Variants in LARGE1 observed in about 807,000 individuals in gnomAD.
The protein encoded by LARGE1 is xylosyl- and glucuronyltransferase LARGE1.
LARGE1 carries 43 observed loss-of-function variants against 87.6 expected under a neutral mutation model. That is an observed-to-expected ratio of 0.49 (90% confidence interval 0.38 to 0.63). The LOEUF is 0.63. LARGE1 is among the 30% of genes least tolerant of loss of function. The pLI is 0.00. For missense variants in LARGE1, 802 were observed against 1,000.2 expected, an observed-to-expected ratio of 0.80 and a Z score of 2.67; for synonymous variants, 434 against 394.6, an observed-to-expected ratio of 1.10 and a Z score of -1.18.
chr22:33,483,625 AG>A (rs1282089700), intron 6 of LARGE1, among the ~76,000 whole-genome samples: 1 of 151,338 alleles, frequency 6.6e-6, no homozygotes, highest in African/African-American at 2.5e-5. Flanking sequence ...ACGAAATAGG[AG>A]GGGTCGGGCT....
chr22:33,429,152 C>A (rs2066992721), intron 7 of LARGE1, among the ~76,000 whole-genome samples: 11 of 152,022 alleles, frequency 7.2e-5, no homozygotes, highest in Admixed American at 7.2e-4. Context: ...GTGGCAGGTT[C>A]TCTCCAGGGT....
At chr22:33,663,656 C>T (rs2081191600) in intron 2 of LARGE1, among the ~76,000 whole-genome samples, 1 of 152,124 alleles carries the variant, frequency 6.6e-6, no homozygotes, top group African/African-American at 2.4e-5. Flanking sequence ...GCTGATTGGC[C>T]AAGAGGATAT....
At chr22:33,404,029 T>C (rs1048378578) in intron 7 of LARGE1, among the ~76,000 whole-genome samples, 20 of 152,230 alleles carry the variant, frequency 1.3e-4, no homozygotes, top group Non-Finnish European at 1.2e-4. Flanking sequence ...ATAGAAATCA[T>C]AGTCCTCGGG....
At chr22:33,903,283 T>A (rs1394309171) in intron 1 of LARGE1, among the ~76,000 whole-genome samples, 1 of 152,128 alleles carries the variant, frequency 6.6e-6, no homozygotes, top group Non-Finnish European at 1.5e-5. Flanking sequence ...CAGCCACATA[T>A]AAGCCAAAGG....
intron 9 of LARGE1, among the ~76,000 whole-genome samples, chr22:33,364,059 A>ATT (rs11330217): frequency 7.1e-6 from 1 of 140,258 alleles, no homozygotes. Flanking sequence ...TTTGCTATAT[A>ATT]TTTTTTTTTT....
intron 6 of LARGE1, among the ~76,000 whole-genome samples, chr22:33,514,659 G>A (rs545222199): frequency 2.6e-5 from 4 of 152,168 alleles, no homozygotes; most frequent in South Asian, 2.1e-4. Context: ...TGGTATCCAC[G>A]GGGTTCCTGG....
At chr22:33,505,693 G>A (rs1160716675) in intron 6 of LARGE1, among the ~76,000 whole-genome samples, 2 of 152,144 alleles carry the variant, frequency 1.3e-5, no homozygotes, top group South Asian at 4.1e-4. Flanking sequence ...CCCGTCACTG[G>A]GGAGTCTGTG....
intron 6 of LARGE1, among the ~76,000 whole-genome samples, chr22:33,445,806 T>C (rs1386507191): frequency 1.3e-5 from 2 of 152,082 alleles, no homozygotes; most frequent in Non-Finnish European, 2.9e-5. Context: ...CCTGCCACCA[T>C]GCTCGGCTAC....
chr22:33,790,992 C>T (rs374317678), intron 1 of LARGE1, among the ~76,000 whole-genome samples: 19 of 152,116 alleles, frequency 1.2e-4, no homozygotes, highest in African/African-American at 1.2e-4. Flanking sequence ...CCAAAAACAA[C>T]GGCAGTAACT....
chr22:33,773,180 C>G (rs986780830), intron 1 of LARGE1, among the ~76,000 whole-genome samples: 3 of 152,350 alleles, frequency 2.0e-5, no homozygotes, highest in Admixed American at 2.0e-4. Flanking sequence ...GCCACGCGAG[C>G]ATCTCTGTGG....
At chr22:33,258,572 A>T (rs1927443135) in intron 11 of LARGE1, among the ~76,000 whole-genome samples, 1 of 152,242 alleles carries the variant, frequency 6.6e-6, no homozygotes, top group East Asian at 1.9e-4. Context: ...TCTAGCCTCT[A>T]GATGTTTACG....
chr22:33,567,117 T>C (rs796107563), intron 5 of LARGE1, among the ~76,000 whole-genome samples: 17 of 152,308 alleles, frequency 1.1e-4, no homozygotes, highest in African/African-American at 4.1e-4. Flanking sequence ...AGAGATGGAA[T>C]GGGTCTCATG....
intron 2 of LARGE1, among the ~76,000 whole-genome samples, chr22:33,682,194 G>A (rs2149306262): frequency 6.6e-6 from 1 of 152,308 alleles, no homozygotes; most frequent in Admixed American, 6.5e-5. Context: ...ATATAAATCT[G>A]TTGTACTCCT....
chr22:33,515,980 C>T (rs921488706), intron 6 of LARGE1, among the ~76,000 whole-genome samples: 1 of 152,224 alleles, frequency 6.6e-6, no homozygotes, highest in Non-Finnish European at 1.5e-5. Context: ...GTGAGCAACG[C>T]CACCGTGTCC....
At chr22:33,391,382 C>T (rs1332930192) in intron 7 of LARGE1, among the ~76,000 whole-genome samples, 1 of 151,984 alleles carries the variant, frequency 6.6e-6, no homozygotes, top group African/African-American at 2.4e-5. Context: ...TGGGGAAGAA[C>T]TATGGGAGCT....
chr22:33,875,936 T>C (rs1249199512), intron 1 of LARGE1, among the ~76,000 whole-genome samples: 1 of 152,204 alleles, frequency 6.6e-6, no homozygotes, highest in Non-Finnish European at 1.5e-5. Context: ...GATGCAGAGC[T>C]ATGGGTTCCT....
At chr22:33,283,564 C>A (rs1486090828) in intron 12 of LARGE1, among the ~76,000 whole-genome samples, 2 of 152,096 alleles carry the variant, frequency 1.3e-5, no homozygotes, top group African/African-American at 4.8e-5. Flanking sequence ...CACTTGAGTT[C>A]AGGAGTTTGA....
intron 1 of LARGE1, among the ~76,000 whole-genome samples, chr22:33,795,044 T>C (rs973532024): frequency 2.6e-5 from 4 of 152,246 alleles, no homozygotes; most frequent in Non-Finnish European, 2.9e-5. Context: ...CAGCATGTCA[T>C]AGGACTCAAT....
At chr22:33,198,429 T>G (rs969613711) in intron 11 of LARGE1, among the ~76,000 whole-genome samples, 1 of 152,098 alleles carries the variant, frequency 6.6e-6, no homozygotes, top group Non-Finnish European at 1.5e-5. Context: ...ATTAAATTTT[T>G]ATTTTCAGAT....
Sources: gnomAD v4.1 joint callset for allele counts (sites outside exome capture counted in the v4.1 genomes callset) on GRCh38, gnomAD v4.1.1 for gene constraint, MANE v1.5 for transcripts, NCBI Gene and HGNC (gene_info 2026-07-23, HGNC 2026-07-21) for gene names.